Variants in GALNT13 observed in about 807,000 individuals in gnomAD.
The protein encoded by GALNT13 is polypeptide N-acetylgalactosaminyltransferase 13.
GALNT13 carries 28 observed loss-of-function variants against 64.2 expected under a neutral mutation model. That is an observed-to-expected ratio of 0.44 (90% confidence interval 0.32 to 0.60). The LOEUF is 0.60. Ranked by LOEUF, GALNT13 falls within the 20% of genes least tolerant of loss-of-function variation. GALNT13 has a pLI of 0.05. For missense variants in GALNT13, 577 were observed against 669.8 expected (o/e 0.86, Z 1.53); for synonymous variants, 214 against 224.6 (o/e 0.95, Z 0.42).
the GALNT13 span, among the ~76,000 whole-genome samples, chr2:153,862,301 T>C: frequency 1.3e-5 from 2 of 152,142 alleles, no homozygotes; most frequent in Non-Finnish European, 2.9e-5. Context: ...TGGAAAAAAA[T>C]CTTGCAGAAC....
chr2:153,150,765 C>A, the GALNT13 span, among the ~76,000 whole-genome samples: 7 of 152,130 alleles, frequency 4.6e-5, no homozygotes, highest in Admixed American at 2.0e-4. Context: ...TCAGGTTTGT[C>A]AAAGATCAGA....
At chr2:153,190,397 C>T in the GALNT13 span, among the ~76,000 whole-genome samples, 1 of 151,910 alleles carries the variant, frequency 6.6e-6, no homozygotes, top group Non-Finnish European at 1.5e-5. Flanking sequence ...GCTTTCAATA[C>T]AGGAGTTTAT....
intron 3 of GALNT13, among the ~76,000 whole-genome samples, chr2:153,955,740 C>G (rs1451953030): frequency 6.6e-6 from 1 of 152,114 alleles, no homozygotes; most frequent in Non-Finnish European, 1.5e-5. Flanking sequence ...TGGAAGAAAA[C>G]AGTTTTATTG....
the GALNT13 span, among the ~76,000 whole-genome samples, chr2:153,305,956 C>A: frequency 6.6e-6 from 1 of 152,104 alleles, no homozygotes; most frequent in Non-Finnish European, 1.5e-5. Flanking sequence ...GTTCTCCCAC[C>A]CAGGAGGGCA....
chr2:153,278,964 G>T, the GALNT13 span, among the ~76,000 whole-genome samples: 2 of 152,142 alleles, frequency 1.3e-5, no homozygotes. Flanking sequence ...CCATTTTAAT[G>T]ATAGTAATTC....
intron 9 of GALNT13, among the ~76,000 whole-genome samples, chr2:154,389,132 G>GTT (rs1416900009): frequency 6.6e-6 from 1 of 151,910 alleles, no homozygotes; most frequent in African/African-American, 2.4e-5. Flanking sequence ...TTTTGTTTTT[G>GTT]TTTTTGGGGG....
chr2:153,478,341 G>A, the GALNT13 span: 1 of 1,614,178 alleles, frequency 6.2e-7, no homozygotes, highest in Non-Finnish European at 8.5e-7. Context: ...TGCAGCCGAG[G>A]AAGAAGATGC....
At chr2:153,283,864 A>G in the GALNT13 span, among the ~76,000 whole-genome samples, 1 of 152,160 alleles carries the variant, frequency 6.6e-6, no homozygotes, top group African/African-American at 2.4e-5. Context: ...ATATCTGCAC[A>G]GGCAGGGTGG....
the GALNT13 span, among the ~76,000 whole-genome samples, chr2:153,238,199 T>C: frequency 1.3e-5 from 2 of 152,106 alleles, no homozygotes; most frequent in African/African-American, 4.8e-5. Flanking sequence ...TTTTTTCTTA[T>C]TGTTTCAGCT....
chr2:153,267,355 G>A, the GALNT13 span, among the ~76,000 whole-genome samples: 1 of 152,204 alleles, frequency 6.6e-6, no homozygotes, highest in Non-Finnish European at 1.5e-5. Context: ...TTCTATAAGG[G>A]CTTGACCCCT....
At chr2:153,522,765 A>G in the GALNT13 span, among the ~76,000 whole-genome samples, 1 of 152,098 alleles carries the variant, frequency 6.6e-6, no homozygotes, top group African/African-American at 2.4e-5. Flanking sequence ...CGGTGCTTTA[A>G]TAGATATGTC....
chr2:153,465,597 T>G, the GALNT13 span, among the ~76,000 whole-genome samples: 1 of 151,772 alleles, frequency 6.6e-6, no homozygotes, highest in South Asian at 2.1e-4. Flanking sequence ...CCTTTTGTTT[T>G]GGATAAATAG....
At chr2:154,416,337 A>G (rs193035039) in intron 11 of GALNT13, among the ~76,000 whole-genome samples, 90 of 151,902 alleles carry the variant, frequency 5.9e-4, no homozygotes, top group African/African-American at 2.0e-3. Flanking sequence ...GCATGCTCAC[A>G]TGGTGAAAGA....
chr2:153,126,315 T>C, the GALNT13 span, among the ~76,000 whole-genome samples: 1 of 24,818 alleles, frequency 4.0e-5, no homozygotes, highest in East Asian at 1.8e-3. Flanking sequence ...TATATATATA[T>C]ATATATATAT....
chr2:153,130,804 T>G, the GALNT13 span, among the ~76,000 whole-genome samples: 80,816 of 151,976 alleles, frequency 0.53, 22,896 homozygotes, highest in South Asian at 0.72. Context: ...CAAGCTAGAT[T>G]AGATTGCATT....
At chr2:153,630,797 A>T in the GALNT13 span, among the ~76,000 whole-genome samples, 93 of 16,472 alleles carry the variant, frequency 5.6e-3, 3 homozygotes, top group South Asian at 0.024. Context: ...ATATATATAT[A>T]TATATATATA....
upstream of GALNT13, among the ~76,000 whole-genome samples, chr2:153,868,679 T>G (rs1257912658): frequency 6.6e-6 from 1 of 152,222 alleles, no homozygotes; most frequent in Non-Finnish European, 1.5e-5. Flanking sequence ...GCTGCTAAAC[T>G]CATATCCCTG....
At chr2:153,651,847 A>G in the GALNT13 span, among the ~76,000 whole-genome samples, 1 of 152,188 alleles carries the variant, frequency 6.6e-6, no homozygotes, top group Non-Finnish European at 1.5e-5. Context: ...GTTTTCCTCA[A>G]GCAAGAAGAT....
chr2:153,164,934 C>T, the GALNT13 span, among the ~76,000 whole-genome samples: 6 of 152,166 alleles, frequency 3.9e-5, no homozygotes, highest in Admixed American at 2.6e-4. Flanking sequence ...TTCATTTCTC[C>T]GTACCATGGC....
Sources: gnomAD v4.1 joint callset for allele counts (sites outside exome capture counted in the v4.1 genomes callset) on GRCh38, gnomAD v4.1.1 for gene constraint, MANE v1.5 for transcripts, NCBI Gene and HGNC (gene_info 2026-07-23, HGNC 2026-07-21) for gene names.